The following CDA variants were observed in gnomAD, a reference collection of about 807,000 sequenced individuals.
CDA encodes the protein cytidine deaminase.
In CDA, 7 loss-of-function variants were observed where a neutral mutation model predicts 15.0. That is an observed-to-expected ratio of 0.47 (90% CI 0.26 to 0.87). The LOEUF is 0.87. CDA is among the 40% of genes least tolerant of loss of function. The pLI, the probability that CDA is intolerant of heterozygous loss-of-function variation, is 0.15. For synonymous variants in CDA, 58 were observed against 73.0 expected, an observed-to-expected ratio of 0.79 and a Z score of 1.05; for missense variants, 159 against 182.7, an observed-to-expected ratio of 0.87 and a Z score of 0.75.
chr1:20,599,345 G>C (rs557555143), intron 1 of CDA, among the ~76,000 whole-genome samples: 3 of 152,276 alleles, frequency 2.0e-5, no homozygotes, highest in Non-Finnish European at 4.4e-5. Flanking sequence ...CAGGCCAGGC[G>C]TGGTGGCTCA....
chr1:20,604,491 C>T lies in CDA; in HGVS notation c.155-437C>T, dbSNP rs368415182. On this transcript the variant is annotated intron_variant, in intron 1 of 3. Coordinates refer to ENST00000375071, the MANE Select transcript of CDA (RefSeq NM_001785.3). ...CAAAGGCCCCACTTCCTAATACCAT[C>T]ACTTTGGGGGCTAGGATTTCAACAT... is the stretch of plus-strand genomic sequence containing the variant. Among the ~76,000 whole-genome samples, 32 of 152,284 alleles carry T rather than the reference C, an allele frequency of 2.1e-4. No homozygotes were observed. The East Asian group carries it at 4.2e-3, about 20-fold the overall frequency.
At chr1:20,614,507 T>C (rs2052784840) in intron 3 of CDA, among the ~76,000 whole-genome samples, 1 of 152,230 alleles carries the variant, frequency 6.6e-6, no homozygotes, top group South Asian at 2.1e-4. Flanking sequence ...CCACATGGCC[T>C]CTAAACCTAA....
chr1:20,607,764 C>T (rs1242822117), intron 2 of CDA, among the ~76,000 whole-genome samples: 2 of 152,196 alleles, frequency 1.3e-5, no homozygotes, highest in Non-Finnish European at 2.9e-5. Flanking sequence ...CACTCATTAT[C>T]GCACTCATGA....
chr1:20,600,971 T>C lies in CDA; in HGVS notation c.155-3957T>C, dbSNP rs565489006. Among the ~76,000 whole-genome samples the C allele has an allele frequency of 8.5e-5, 13 of 152,314 alleles. No homozygotes were observed. The South Asian group carries it at 1.0e-3, about 12-fold the overall frequency. ...AAAAGCTCTCAGGGTTGCAACTTCC[T>C]GATTGTACCCTGCCCCATATTCCAA... On this transcript the variant is annotated intron_variant, in intron 1 of 3. Transcript: ENST00000375071.
At chr1:20,591,255 G>A (rs1440854590) in intron 1 of CDA, among the ~76,000 whole-genome samples, 36 of 152,158 alleles carry the variant, frequency 2.4e-4, no homozygotes, top group Non-Finnish European at 7.4e-5. Context: ...GCAGGAGAAT[G>A]GTGTGAACCT....
At chr1:20,613,256 TG>T (rs1258600828) in intron 2 of CDA, among the ~76,000 whole-genome samples, 1 of 151,224 alleles carries the variant, frequency 6.6e-6, no homozygotes, top group Non-Finnish European at 1.5e-5. Flanking sequence ...CAGGCTGGGG[TG>T]CTATGGCACG....
intron 1 of CDA, among the ~76,000 whole-genome samples, chr1:20,604,554 T>C (rs1189159899): frequency 6.6e-6 from 1 of 152,186 alleles, no homozygotes; most frequent in Non-Finnish European, 1.5e-5. Context: ...ATGGGGCTCT[T>C]AGATCTCTTA....
intron 1 of CDA, among the ~76,000 whole-genome samples, 190 bp downstream of exon 1, chr1:20,589,473 C>T (rs1449665052): frequency 6.6e-6 from 1 of 152,160 alleles, no homozygotes; most frequent in Non-Finnish European, 1.5e-5. Flanking sequence ...TGGCTTAAAT[C>T]CAGGGTCTTT....
intron 1 of CDA, 47 bp downstream of exon 1, chr1:20,589,330 T>C: frequency 2.5e-6 from 4 of 1,585,018 alleles, no homozygotes; most frequent in Non-Finnish European, 3.5e-6. Flanking sequence ...GCCTGGGTGG[T>C]GGGTCAGAGG....
chr1:20,593,012 G>C (rs1015679331), intron 1 of CDA, among the ~76,000 whole-genome samples: 3 of 152,176 alleles, frequency 2.0e-5, no homozygotes, highest in Non-Finnish European at 2.9e-5. Flanking sequence ...GGGATCACTT[G>C]AGCCCCAGGA....
intron 1 of CDA, 152 bp from the exon 2 acceptor site, chr1:20,604,776 G>A: frequency 5.9e-6 from 4 of 678,836 alleles, no homozygotes; most frequent in African/African-American, 3.5e-5. Context: ...CAGTGCCCCA[G>A]GTCGAATTGC....
At chr1:20,605,335 A>T (rs818194) in intron 2 of CDA, among the ~76,000 whole-genome samples, 109,371 of 151,720 alleles carry the variant, frequency 0.72, 40,279 homozygotes, top group South Asian at 0.82. Flanking sequence ...CCTACAAGAT[A>T]TAACAGAAAG....
chr1:20,604,603 C>T (rs1055817503), intron 1 of CDA, among the ~76,000 whole-genome samples: 14 of 152,230 alleles, frequency 9.2e-5, no homozygotes, highest in African/African-American at 2.9e-4. Flanking sequence ...TTGTAAGCCT[C>T]GGGATCTACC....
Position 20,609,089 on chromosome 1 carries a change from A to G in CDA, c.266+4050A>G, listed in dbSNP as rs201761886. Among the ~76,000 whole-genome samples, 5 of 152,112 alleles carry G rather than the reference A, an allele frequency of 3.3e-5. No individual in the cohort carries two copies. In the East Asian group the frequency reaches 9.6e-4, roughly 29 times the overall value. On this transcript the variant is annotated intron_variant, in intron 2 of 3. Coordinates refer to ENST00000375071, the MANE Select transcript of CDA (RefSeq NM_001785.3). The stretch of plus-strand genomic sequence containing the variant: ...GGTTGTTGAAGCCTACACCAAATCT[A>G]CCTTCCCAGTGGAATGCATGCTTGC...
chr1:20,599,132 C>A (rs894127173), intron 1 of CDA, among the ~76,000 whole-genome samples: 1 of 152,006 alleles, frequency 6.6e-6, no homozygotes, highest in Non-Finnish European at 1.5e-5. Context: ...GTGAATAGTG[C>A]GCAAAAGGGA....
intron 1 of CDA, among the ~76,000 whole-genome samples, chr1:20,595,842 CAAA>C (rs1195136238): frequency 4.4e-4 from 32 of 73,068 alleles, no homozygotes; most frequent in African/African-American, 1.6e-3. Context: ...AAGACTCTCT[CAAA>C]AAAAAAAAAA....
At chr1:20,615,430 C>A (rs1429562186) in intron 3 of CDA, among the ~76,000 whole-genome samples, 3 of 131,106 alleles carry the variant, frequency 2.3e-5, no homozygotes, top group Non-Finnish European at 4.6e-5. Flanking sequence ...TCCAGGAGTT[C>A]GAGACCTGCC....
At chr1:20,605,371 G>C (rs1179970327) in intron 2 of CDA, among the ~76,000 whole-genome samples, 1 of 152,006 alleles carries the variant, frequency 6.6e-6, no homozygotes, top group South Asian at 2.1e-4. Context: ...AAAGCGGGGG[G>C]AACCTGAGCC....
rs1468700247 is a variant in CDA, at chr1:20,618,486, C to G, written c.359C>G (p.Pro120Arg). 1 of 1,613,438 alleles carries G rather than the reference C, an allele frequency of 6.2e-7. No homozygotes were observed. Reference protein sequence around the residue: ...GTNWPVYMTKPDGTYIVMTVQ... With the variant: ...GTNWPVYMTKRDGTYIVMTVQ... The stretch of plus-strand genomic sequence containing the variant: ...AACTGGCCCGTGTACATGACCAAGC[C>G]GGATGGTACGTATATTGTCATGACG... Residue 120 changes from proline (P) to arginine (R), a missense_variant, in exon 4 of 4, where the codon CCG becomes CGG. Pro to Arg is a moderately radical substitution (Grantham distance 103). Coordinates refer to ENST00000375071, the MANE Select transcript of CDA (RefSeq NM_001785.3).
Sources: gnomAD v4.1 joint callset for allele counts (sites outside exome capture counted in the v4.1 genomes callset) on GRCh38, gnomAD v4.1.1 for gene constraint, MANE v1.5 for transcripts, NCBI Gene and HGNC (gene_info 2026-07-23, HGNC 2026-07-21) for gene names.